Variants in LRMDA observed in about 807,000 individuals in gnomAD.
LRMDA encodes leucine rich melanocyte differentiation associated.
LRMDA carries 18 observed loss-of-function variants against 29.8 expected under a neutral mutation model. The ratio of observed to expected loss-of-function variants is 0.60; its 90% CI spans 0.42 to 0.90. The LOEUF is 0.90. Ranked by LOEUF, LRMDA falls within the 40% of genes least tolerant of loss-of-function variation. The pLI is 0.00. For missense variants in LRMDA, 273 were observed against 273.9 expected (o/e 1.00, Z 0.02); for synonymous variants, 125 against 109.4 (o/e 1.14, Z -0.89).
At chr10:76,439,904 G>A (rs776347729) in intron 6 of LRMDA, among the ~76,000 whole-genome samples, 14 of 152,152 alleles carry the variant, frequency 9.2e-5, no homozygotes, top group Admixed American at 7.9e-4. Flanking sequence ...GGTTCTTTAC[G>A]GCAGAGTTTT....
At chr10:75,867,814 G>A (rs1845045337) in intron 2 of LRMDA, among the ~76,000 whole-genome samples, 1 of 152,104 alleles carries the variant, frequency 6.6e-6, no homozygotes, top group Admixed American at 6.6e-5. Flanking sequence ...AACTTTCTCT[G>A]TAAAGGGCCA....
intron 2 of LRMDA, among the ~76,000 whole-genome samples, chr10:76,019,808 G>T (rs1847939742): frequency 6.6e-6 from 1 of 152,270 alleles, no homozygotes; most frequent in Admixed American, 6.5e-5. Flanking sequence ...GGGCCCCAGT[G>T]GTTCTTTTAC....
chr10:76,010,117 G>A (rs965678509), intron 2 of LRMDA, among the ~76,000 whole-genome samples: 12 of 152,098 alleles, frequency 7.9e-5, no homozygotes, highest in Non-Finnish European at 1.8e-4. Flanking sequence ...AGGCCTTGGA[G>A]AGCAAGGCTA....
intron 2 of LRMDA, among the ~76,000 whole-genome samples, chr10:75,946,547 G>A (rs1846479449): frequency 6.6e-6 from 1 of 152,174 alleles, no homozygotes; most frequent in South Asian, 2.1e-4. Flanking sequence ...TTGTGGGTGT[G>A]TGAAAGGTCG....
chr10:76,527,568 AC>A (rs764597434), intron 6 of LRMDA, among the ~76,000 whole-genome samples: 2 of 152,168 alleles, frequency 1.3e-5, no homozygotes, highest in Non-Finnish European at 2.9e-5. Context: ...CATTGATTTA[AC>A]ATCTTTTTGC....
At chr10:76,108,806 C>T (rs1203920995) in intron 5 of LRMDA, among the ~76,000 whole-genome samples, 1 of 152,126 alleles carries the variant, frequency 6.6e-6, no homozygotes, top group Admixed American at 6.5e-5. Flanking sequence ...CCTCTTGCTG[C>T]TAAATTTTGG....
chr10:76,111,952 T>TA (rs1312068913), intron 5 of LRMDA, among the ~76,000 whole-genome samples: 1 of 152,178 alleles, frequency 6.6e-6, no homozygotes, highest in African/African-American at 2.4e-5. Flanking sequence ...TGAAGTTAAT[T>TA]AAAACCTTAC....
intron 6 of LRMDA, among the ~76,000 whole-genome samples, chr10:76,536,691 A>G (rs771361793): frequency 6.6e-6 from 1 of 152,144 alleles, no homozygotes; most frequent in African/African-American, 2.4e-5. Context: ...GCATCATGTT[A>G]TGAGGCACGT....
chr10:75,482,576 G>A lies in LRMDA; in HGVS notation c.131+44082G>A, dbSNP rs4526723. On this transcript the variant is annotated intron_variant, in intron 2 of 6. Transcript: ENST00000611255. Reference sequence around the variant, plus strand: ...TACGCCCAGGTCTGTTACTGTGCGCGTATTTCCTGGCTTCCTGCACAGGGT... The same window carrying A: ...TACGCCCAGGTCTGTTACTGTGCGCATATTTCCTGGCTTCCTGCACAGGGT... Among the ~76,000 whole-genome samples, 925 of 152,214 alleles carry A rather than the reference G, an allele frequency of 6.1e-3. 11 individuals carry two copies. The highest frequency in any genetic ancestry group is 0.02 in the African/African-American group (828 of 41,532).
chr10:75,663,189 G>A (rs1003669439), intron 2 of LRMDA, among the ~76,000 whole-genome samples: 2 of 152,146 alleles, frequency 1.3e-5, no homozygotes, highest in African/African-American at 4.8e-5. Flanking sequence ...CTTAGGGCAG[G>A]GATTGGGATG....
At chr10:76,042,792 T>A (rs1848362855) in intron 3 of LRMDA, among the ~76,000 whole-genome samples, 1 of 152,206 alleles carries the variant, frequency 6.6e-6, no homozygotes, top group African/African-American at 2.4e-5. Context: ...CGAAAATTGA[T>A]TTTTTAAAAT....
chr10:76,398,158 C>T (rs968138784), intron 6 of LRMDA, among the ~76,000 whole-genome samples: 2 of 152,146 alleles, frequency 1.3e-5, no homozygotes, highest in African/African-American at 4.8e-5. Flanking sequence ...GGACAGCCTG[C>T]CAGATGGTTT....
At chr10:76,431,932 C>T (rs1283063674) in intron 6 of LRMDA, among the ~76,000 whole-genome samples, 2 of 152,210 alleles carry the variant, frequency 1.3e-5, no homozygotes, top group Admixed American at 1.3e-4. Flanking sequence ...GTGAGACATG[C>T]CTTTCACCTT....
intron 2 of LRMDA, among the ~76,000 whole-genome samples, chr10:75,773,325 G>A (rs538151324): frequency 2.0e-5 from 3 of 152,304 alleles, no homozygotes; most frequent in South Asian, 4.1e-4. Flanking sequence ...TGTTAACTAG[G>A]TGAAGGGATT....
At chr10:75,853,291 T>C (rs569527491) in intron 2 of LRMDA, among the ~76,000 whole-genome samples, 1 of 152,330 alleles carries the variant, frequency 6.6e-6, no homozygotes, top group Admixed American at 6.5e-5. Flanking sequence ...ATTCCCCTAG[T>C]GGCCAGTACA....
chr10:76,083,520 C>A (rs748937962), intron 5 of LRMDA, among the ~76,000 whole-genome samples: 2 of 152,166 alleles, frequency 1.3e-5, no homozygotes, highest in Admixed American at 6.6e-5. Flanking sequence ...AATTTTATAA[C>A]ATAGGTATAA....
intron 2 of LRMDA, among the ~76,000 whole-genome samples, chr10:75,698,366 T>C (rs774229933): frequency 3.9e-5 from 6 of 152,230 alleles, no homozygotes; most frequent in Non-Finnish European, 8.8e-5. Context: ...TCAGAGGCCA[T>C]AGTCCTTACA....
rs1280765517 is a variant in LRMDA, at chr10:76,559,816, C to T, written c.*2528C>T. On this transcript the variant is annotated 3_prime_UTR_variant, in exon 7 of 7. Transcript: ENST00000611255. ...GGTGCCTGACATCACTGTCTTTCCTCCCCTAGGACACTGACTTGAGTGGAG... is the reference window on the plus strand; with the variant it reads ...GGTGCCTGACATCACTGTCTTTCCTTCCCTAGGACACTGACTTGAGTGGAG... The T allele has an allele frequency of 6.6e-6, 1 of 152,234 alleles. No individual in the cohort carries two copies. Among genetic ancestry groups the T allele is most frequent in the African/African-American group, 2.4e-5 (1 of 41,466 alleles). The allele number at this position is 152,234 out of a possible 1,614,324, so 9.4% of individuals were successfully genotyped here.
In LRMDA at chr10:75,958,989, A is replaced by G. The variant is rs116317689; in HGVS notation, c.132-77019A>G. 4.7e-3 allele frequency among the ~76,000 whole-genome samples: 723 copies of G among 152,282 alleles called. 9 individuals carry two copies. Among genetic ancestry groups the G allele is most frequent in the African/African-American group, 0.017 (691 of 41,550 alleles). On this transcript the variant is annotated intron_variant, in intron 2 of 6. Coordinates refer to ENST00000611255, the MANE Select transcript of LRMDA (RefSeq NM_001305581.2). The stretch of plus-strand genomic sequence containing the variant: ...GAACAGTATGGGAGAAGCTGCCCTC[A>G]TGATTTAATTATCTCCCACCGGGTC...
Sources: gnomAD v4.1 joint callset for allele counts (sites outside exome capture counted in the v4.1 genomes callset) on GRCh38, gnomAD v4.1.1 for gene constraint, MANE v1.5 for transcripts, NCBI Gene and HGNC (gene_info 2026-07-23, HGNC 2026-07-21) for gene names.